Variants in SNAP91 observed in about 807,000 individuals in gnomAD.
SNAP91 encodes synaptosome associated protein 91.
In SNAP91, 27 loss-of-function variants were observed where a neutral mutation model predicts 100.3. That is an observed-to-expected ratio of 0.27 (90% confidence interval 0.20 to 0.37). The LOEUF (loss-of-function observed/expected upper bound fraction) is 0.37, where lower values mean the gene tolerates loss of function less well. SNAP91 is among the 10% of genes least tolerant of loss of function. The pLI is 1.00. For missense variants in SNAP91, 986 were observed against 1,123.7 expected, an observed-to-expected ratio of 0.88 and a Z score of 1.75; for synonymous variants, 404 against 398.6, an observed-to-expected ratio of 1.01 and a Z score of -0.16.
chr6:83,675,421 A>G (rs910788150), intron 2 of SNAP91, among the ~76,000 whole-genome samples: 4 of 152,188 alleles, frequency 2.6e-5, no homozygotes, highest in Admixed American at 2.0e-4. Context: ...GTATTTCTTC[A>G]TTAACATGTG....
rs199858420 is a variant in SNAP91, at chr6:83,594,125, GA to G, written c.1432+248del. On this transcript the variant is annotated intron_variant, in intron 17 of 29. Transcript: ENST00000369694. ...TACAAAAGAGTACAATATAGCATTA[GA>G]AAAAAAAACATTAAGACAGCATACT... Among the ~76,000 whole-genome samples the G allele has an allele frequency of 7.3e-5, 11 of 150,162 alleles. 1 individual carries two copies. Among genetic ancestry groups the G allele is most frequent in the Admixed American group, 1.3e-4 (2 of 15,102 alleles).
chr6:83,654,717 C>T (rs953938107), intron 7 of SNAP91, among the ~76,000 whole-genome samples: 1 of 152,148 alleles, frequency 6.6e-6, no homozygotes, highest in African/African-American at 2.4e-5. Context: ...ATCACATTCT[C>T]AGTATACTCG....
chr6:83,579,044 A>G (rs1824075599), intron 24 of SNAP91, among the ~76,000 whole-genome samples: 2 of 152,150 alleles, frequency 1.3e-5, no homozygotes, highest in Non-Finnish European at 1.5e-5. Context: ...TCATTTGACT[A>G]TATACGTGGG....
At chr6:83,569,949 T>G (rs1473512809) in intron 26 of SNAP91, among the ~76,000 whole-genome samples, 2 of 152,162 alleles carry the variant, frequency 1.3e-5, no homozygotes, top group Non-Finnish European at 2.9e-5. Context: ...GGGTATGTCT[T>G]GATCAGCAGT....
At chr6:83,683,051 C>T (rs2099013741) in intron 2 of SNAP91, among the ~76,000 whole-genome samples, 1 of 152,118 alleles carries the variant, frequency 6.6e-6, no homozygotes, top group Non-Finnish European at 1.5e-5. Flanking sequence ...AACCAATGGG[C>T]ACTCTCCAGT....
At chr6:83,586,088 T>C (rs1165881292) in intron 22 of SNAP91, among the ~76,000 whole-genome samples, 2 of 152,122 alleles carry the variant, frequency 1.3e-5, no homozygotes, top group Non-Finnish European at 2.9e-5. Context: ...GACCTTGTGA[T>C]CTGCCCGCCT....
intron 25 of SNAP91, chr6:83,575,759 A>C: frequency 2.5e-6 from 1 of 398,188 alleles, no homozygotes. Context: ...TATTCAAGCC[A>C]CAATTCCCAA....
chr6:83,556,183 T>C lies in SNAP91; in HGVS notation c.2694A>G (p.Leu898=). Residue 898 remains leucine (L), a synonymous_variant, in exon 29 of 30, where the codon TTA becomes TTG. Transcript: ENST00000369694. ...AGAAATCCTTGATGTTAAGATCCGC[T>C]AATGGGTCCTTTGCTGGAGGTTTCT... The part of the protein sequence containing the change: ...SPKKPPAKDP[L]ADLNIKDFL 1 of 1,573,392 alleles carries C rather than the reference T, an allele frequency of 6.4e-7. No individual in the cohort carries two copies. Among genetic ancestry groups the C allele is most frequent in the Non-Finnish European group, 8.6e-7 (1 of 1,158,966 alleles).
intron 4 of SNAP91, 102 bp from the exon 5 acceptor site, chr6:83,661,706 T>C: frequency 1.7e-6 from 1 of 580,062 alleles, no homozygotes; most frequent in South Asian, 3.0e-5. Flanking sequence ...GTGATAGTCC[T>C]AGGATAGGGT....
At chr6:83,584,719 T>A (rs535051379) in intron 22 of SNAP91, among the ~76,000 whole-genome samples, 3 of 152,298 alleles carry the variant, frequency 2.0e-5, no homozygotes, top group Non-Finnish European at 2.9e-5. Context: ...CTAATCCTTA[T>A]AACAACCCCA....
At chr6:83,656,026 T>C (rs2098396286) in intron 7 of SNAP91, among the ~76,000 whole-genome samples, 1 of 152,250 alleles carries the variant, frequency 6.6e-6, no homozygotes, top group Admixed American at 6.5e-5. Context: ...AAATTTCCAG[T>C]AATATATCTA....
At chr6:83,595,109 A>G (rs2094310463) in intron 16 of SNAP91, among the ~76,000 whole-genome samples, 1 of 152,152 alleles carries the variant, frequency 6.6e-6, no homozygotes, top group Admixed American at 6.5e-5. Context: ...AGGTTTACTA[A>G]GCATTCCTAA....
chr6:83,629,122 T>C (rs1271403205), intron 8 of SNAP91, among the ~76,000 whole-genome samples: 4 of 152,152 alleles, frequency 2.6e-5, no homozygotes, highest in Non-Finnish European at 5.9e-5. Context: ...GAAAAGGTTG[T>C]CCTTCCCCCA....
chr6:83,578,567 T>G (rs965591130), intron 24 of SNAP91, among the ~76,000 whole-genome samples: 3 of 152,202 alleles, frequency 2.0e-5, no homozygotes, highest in African/African-American at 7.2e-5. Flanking sequence ...ATTTGCCATT[T>G]TAAAAATTGC....
intron 22 of SNAP91, among the ~76,000 whole-genome samples, chr6:83,585,268 G>C (rs1278080291): frequency 6.6e-6 from 1 of 152,122 alleles, no homozygotes; most frequent in Non-Finnish European, 1.5e-5. Context: ...CAGCATTTGG[G>C]GAGGCTGTGG....
chr6:83,629,426 T>C (rs1441855899), intron 8 of SNAP91, among the ~76,000 whole-genome samples: 1 of 152,114 alleles, frequency 6.6e-6, no homozygotes, highest in Non-Finnish European at 1.5e-5. Context: ...GGGAATTGCA[T>C]TGAATGTGTA....
chr6:83,572,999 C>T (rs922079023), intron 26 of SNAP91, among the ~76,000 whole-genome samples: 7 of 152,146 alleles, frequency 4.6e-5, no homozygotes, highest in Admixed American at 4.6e-4. Context: ...GAGGGCAGCT[C>T]CCTGGGCTGG....
At chr6:83,569,378 A>T (rs1433823227) in intron 26 of SNAP91, among the ~76,000 whole-genome samples, 2 of 152,186 alleles carry the variant, frequency 1.3e-5, no homozygotes, top group African/African-American at 2.4e-5. Context: ...GGTTAAAAAA[A>T]TGAGACAATC....
intron 2 of SNAP91, among the ~76,000 whole-genome samples, chr6:83,678,317 C>A (rs991831045): frequency 1.3e-5 from 2 of 152,010 alleles, no homozygotes; most frequent in African/African-American, 4.8e-5. Context: ...AAATATCTAA[C>A]CCTCATGCTC....
Sources: allele counts gnomAD v4.1 joint callset (sites outside exome capture counted in the v4.1 genomes callset), GRCh38; gene constraint gnomAD v4.1.1; transcripts MANE v1.5; gene names NCBI Gene and HGNC (gene_info 2026-07-23, HGNC 2026-07-21).